Variants in SPMIP2 observed in about 807,000 individuals in gnomAD.
The protein encoded by SPMIP2 is protein SPMIP2.
the SPMIP2 span, among the ~76,000 whole-genome samples, chr4:158,950,923 G>A: frequency 1.3e-5 from 2 of 152,050 alleles, no homozygotes; most frequent in Admixed American, 6.6e-5. Flanking sequence ...GAGGCTGAAG[G>A]GAGGGTCTGT....
the SPMIP2 span, among the ~76,000 whole-genome samples, chr4:158,930,687 A>G: frequency 6.6e-6 from 1 of 152,010 alleles, no homozygotes; most frequent in Admixed American, 6.6e-5. Flanking sequence ...GATAGAGATG[A>G]GATCTGACTA....
chr4:158,993,780 C>A, the SPMIP2 span, among the ~76,000 whole-genome samples: 8 of 152,340 alleles, frequency 5.3e-5, no homozygotes, highest in East Asian at 1.9e-4. Context: ...AGTTTCTCTC[C>A]TTTCTAATCC....
the SPMIP2 span, among the ~76,000 whole-genome samples, chr4:158,915,609 G>A: frequency 4.9e-4 from 74 of 152,176 alleles, no homozygotes; most frequent in Non-Finnish European, 8.8e-4. Flanking sequence ...GTTGACGAAT[G>A]CACTACTGTC....
the SPMIP2 span, among the ~76,000 whole-genome samples, chr4:158,962,541 C>T: frequency 1.3e-5 from 2 of 152,136 alleles, no homozygotes; most frequent in Admixed American, 6.5e-5. Context: ...GGAAAATTCC[C>T]TACGGCTATC....
At chr4:158,983,092 G>A in the SPMIP2 span, among the ~76,000 whole-genome samples, 10 of 152,152 alleles carry the variant, frequency 6.6e-5, no homozygotes, top group African/African-American at 1.2e-4. Context: ...GAAATGAAGC[G>A]AGAAGGGAAG....
At chr4:159,060,921 G>C in the SPMIP2 span, among the ~76,000 whole-genome samples, 3 of 151,414 alleles carry the variant, frequency 2.0e-5, no homozygotes, top group Admixed American at 6.6e-5. Context: ...CCTATATTAA[G>C]AAAAAATATA....
chr4:158,942,913 G>A, the SPMIP2 span, among the ~76,000 whole-genome samples: 1 of 152,162 alleles, frequency 6.6e-6, no homozygotes. Flanking sequence ...CCAACCAGAT[G>A]ATAAGCTCTT....
the SPMIP2 span, among the ~76,000 whole-genome samples, chr4:158,958,370 T>G: frequency 6.6e-6 from 1 of 152,092 alleles, no homozygotes; most frequent in South Asian, 2.1e-4. Flanking sequence ...CCTCAATTGA[T>G]CCTCCTGCCT....
At chr4:158,935,090 T>C in the SPMIP2 span, among the ~76,000 whole-genome samples, 1 of 152,202 alleles carries the variant, frequency 6.6e-6, no homozygotes, top group East Asian at 1.9e-4. Context: ...GCAATCTTTT[T>C]CCCTATACTG....
the SPMIP2 span, among the ~76,000 whole-genome samples, chr4:158,968,412 C>A: frequency 6.6e-6 from 1 of 152,110 alleles, no homozygotes; most frequent in Non-Finnish European, 1.5e-5. Flanking sequence ...ATTGATGGAA[C>A]CATGAAGAAA....
the SPMIP2 span, among the ~76,000 whole-genome samples, chr4:159,076,291 A>G: frequency 6.6e-6 from 1 of 152,176 alleles, no homozygotes; most frequent in East Asian, 1.9e-4. Flanking sequence ...CTTTTGACCT[A>G]TAGTTTTAAT....
At chr4:159,062,192 CAG>C in the SPMIP2 span, among the ~76,000 whole-genome samples, 1 of 152,220 alleles carries the variant, frequency 6.6e-6, no homozygotes. Flanking sequence ...AGCTAAAAAG[CAG>C]AGACTATTTT....
chr4:158,987,259 T>A, the SPMIP2 span, among the ~76,000 whole-genome samples: 1 of 151,922 alleles, frequency 6.6e-6, no homozygotes, highest in Admixed American at 6.6e-5. Context: ...AAATAGCATT[T>A]GACCCAGCCA....
the SPMIP2 span, among the ~76,000 whole-genome samples, chr4:158,979,789 GTTTTTTTTTTT>G: frequency 1.3e-4 from 14 of 104,512 alleles, no homozygotes; most frequent in African/African-American, 3.3e-4. Flanking sequence ...AGTTGCAAGA[GTTTTTTTTTTT>G]TTTTTTTTTT....
the SPMIP2 span, chr4:158,907,967 A>G: frequency 6.6e-6 from 1 of 152,112 alleles, no homozygotes; most frequent in Non-Finnish European, 1.5e-5. Flanking sequence ...ATTGTGTGGG[A>G]ATTTTTTTTA....
the SPMIP2 span, among the ~76,000 whole-genome samples, chr4:158,920,845 C>A: frequency 1.3e-5 from 2 of 152,102 alleles, no homozygotes; most frequent in Admixed American, 6.6e-5. Context: ...CTGCTTTTTG[C>A]CCTTTGAAGC....
the SPMIP2 span, among the ~76,000 whole-genome samples, chr4:159,020,213 G>C: frequency 1 from 152,176 of 152,350 alleles, 76,002 homozygotes; most frequent in East Asian, 1. Context: ...ATATGTGCAG[G>C]TTTTCCCTTT....
At chr4:159,080,994 A>T in the SPMIP2 span, among the ~76,000 whole-genome samples, 12 of 150,232 alleles carry the variant, frequency 8.0e-5, no homozygotes, top group Non-Finnish European at 1.5e-4. Context: ...AAGTTCTGGG[A>T]TTACAGGCAC....
the SPMIP2 span, among the ~76,000 whole-genome samples, chr4:158,998,781 A>G: frequency 6.6e-6 from 1 of 152,178 alleles, no homozygotes; most frequent in South Asian, 2.1e-4. Context: ...TAATGATGGT[A>G]ATTATGATGT....
Sources: allele counts gnomAD v4.1 joint callset (sites outside exome capture counted in the v4.1 genomes callset), GRCh38; gene constraint gnomAD v4.1.1; transcripts MANE v1.5; gene names NCBI Gene and HGNC (gene_info 2026-07-23, HGNC 2026-07-21).